The following GRK1 variants were observed in gnomAD, a reference collection of about 807,000 sequenced individuals.
The protein encoded by GRK1 is rhodopsin kinase GRK1.
Under a neutral mutation model 41.7 loss-of-function variants are expected in GRK1, and 28 were observed. The observed-to-expected ratio is 0.67, with a 90% CI of 0.50 to 0.92. GRK1 has a LOEUF of 0.92. GRK1 is among the 40% of genes least tolerant of loss of function. The probability of loss-of-function intolerance (pLI) is 0.00; values close to 1 mark genes in which losing one functional copy is unlikely to be tolerated. For missense variants in GRK1, 703 were observed against 671.2 expected (o/e 1.05, Z -0.52); for synonymous variants, 327 against 286.7 (o/e 1.14, Z -1.42).
At chr13:113,733,622 C>G (rs2049957731) in intron 6 of GRK1, among the ~76,000 whole-genome samples, 1 of 140,948 alleles carries the variant, frequency 7.1e-6, no homozygotes, top group Non-Finnish European at 1.5e-5. Flanking sequence ...TATGTGTGTG[C>G]ATACGTGTGT....
At chr13:113,654,228 G>C in the GRK1 span, among the ~76,000 whole-genome samples, 3 of 152,170 alleles carry the variant, frequency 2.0e-5, no homozygotes, top group African/African-American at 7.2e-5. Context: ...AAATCTATAC[G>C]TGGTTTAAAA....
At chr13:113,653,916 T>C in the GRK1 span, among the ~76,000 whole-genome samples, 11 of 152,216 alleles carry the variant, frequency 7.2e-5, no homozygotes, top group African/African-American at 2.4e-4. Flanking sequence ...CCGTCAAATG[T>C]GCATCCTTTG....
Position 113,731,543 on chromosome 13 carries a change from C to T in GRK1, c.1194+200C>T, listed in dbSNP as rs1228164374. 9.2e-6 allele frequency: 3 copies of T among 326,082 alleles called. No homozygotes were observed. The East Asian group carries it at 5.1e-4, about 56-fold the overall frequency. The allele number at this position is 326,082 out of a possible 1,614,324, so 20.2% of individuals were successfully genotyped here. A position where few individuals can be genotyped will look rare whatever the true frequency, so the allele number is the denominator to read the frequency against. The stretch of plus-strand genomic sequence containing the variant: ...GTCTCAGTGGGTGACGCCCCCAGCC[C>T]CTGAGGCCTGCAGGTGGAGGGGCTG... On this transcript the variant is annotated intron_variant, in intron 5 of 6. Transcript: ENST00000335678. The surrounding 1 kb of genome is among the most constrained non-coding windows in gnomAD (Gnocchi z 5.6).
intron 6 of GRK1, among the ~76,000 whole-genome samples, chr13:113,733,980 A>ATACG (rs1566700540): frequency 1.8e-4 from 17 of 95,256 alleles, no homozygotes; most frequent in South Asian, 3.4e-4. Flanking sequence ...GTGTGTGCGC[A>ATACG]TGTGTGTGCA....
chr13:113,735,168 C>G lies in GRK1; in HGVS notation c.1497C>G (p.Asp499Glu), dbSNP rs1485502084. ...CCACCGTCAAAGGTGTGGCCTTTGACAAAACAGACACAGAATTCTTTCAGG... is the reference window on the plus strand; with the variant it reads ...CCACCGTCAAAGGTGTGGCCTTTGAGAAAACAGACACAGAATTCTTTCAGG... ...AFSTVKGVAF[D>E]KTDTEFFQEF... The change falls in exon 7 of 7, where the codon GAC (aspartate) becomes GAG (glutamate). Residue 499 changes from aspartate to glutamate, a missense_variant. Physicochemically the swap from Asp to Glu is conservative, Grantham distance 45. Coordinates refer to ENST00000335678, the MANE Select transcript of GRK1 (RefSeq NM_002929.3). 1 of 1,537,218 alleles carries G rather than the reference C, an allele frequency of 6.5e-7. No individual in the cohort carries two copies. Among genetic ancestry groups the G allele is most frequent in the Non-Finnish European group, 8.7e-7 (1 of 1,146,914 alleles).
chr13:113,735,384 T>C lies in GRK1; in HGVS notation c.*21T>C. The C allele has an allele frequency of 6.8e-7, 1 of 1,470,340 alleles. No homozygotes were observed. 91.1% of individuals were successfully genotyped at this position (1,470,340 alleles called of 1,614,324 possible). ...CCTAGGTGACGCCCCAGAGTCCACG[T>C]GGAGGAAAAGGACCCATACGGCTCG... On this transcript the variant is annotated 3_prime_UTR_variant, in exon 7 of 7. Coordinates refer to ENST00000335678, the MANE Select transcript of GRK1 (RefSeq NM_002929.3).
At chr13:113,650,489 C>T in the GRK1 span, 18 of 1,613,020 alleles carry the variant, frequency 1.1e-5, no homozygotes, top group African/African-American at 6.7e-5. This position sits in a 1 kb window ranked among gnomAD's most constrained non-coding sequence, Gnocchi z 5.0. Context: ...AGCGGCTGGC[C>T]GAGCTCGCGG....
At chr13:113,670,466 T>C (rs2049849236) in intron 2 of GRK1, among the ~76,000 whole-genome samples, 1 of 152,246 alleles carries the variant, frequency 6.6e-6, no homozygotes, top group African/African-American at 2.4e-5. Context: ...GTGAAATACC[T>C]GCAGTGTCTG....
chr13:113,669,555 C>T (rs894679539), intron 1 of GRK1, 132 bp from the exon 2 acceptor site: 56 of 1,048,498 alleles, frequency 5.3e-5, no homozygotes, highest in African/African-American at 2.7e-4. Flanking sequence ...TTGTGAAAGG[C>T]GCATTTAAAG....
rs1233141040 is a variant in GRK1, at chr13:113,728,074, GACCCATGGCAATGAGGAGT to G, written c.1070-3116_1070-3098del. ...GATGAGGAGTACCCATGGCGATGAG[GACCCATGGCAATGAGGAGT>G]ACCCATGGCAATGAGGAGTACCCAT... On this transcript the variant is annotated intron_variant, in intron 4 of 6. Coordinates refer to ENST00000335678, the MANE Select transcript of GRK1 (RefSeq NM_002929.3). 2.2e-3 allele frequency among the ~76,000 whole-genome samples: 192 copies of G among 87,938 alleles called. 2 individuals carry two copies. Among genetic ancestry groups the G allele is most frequent in the East Asian group, 3.8e-3 (10 of 2,616 alleles). 57.7% of individuals were successfully genotyped at this position (87,938 alleles called of 152,430 possible).
At chr13:113,650,439 C>G in the GRK1 span, 1 of 1,614,030 alleles carries the variant, frequency 6.2e-7, no homozygotes, top group African/African-American at 1.3e-5. This position sits in a 1 kb window ranked among gnomAD's most constrained non-coding sequence, Gnocchi z 5.0. Context: ...GGAAGTAGTG[C>G]AGACTGAAGG....
At chr13:113,653,145 G>A in the GRK1 span, 3 of 1,536,488 alleles carry the variant, frequency 2.0e-6, no homozygotes, top group East Asian at 4.6e-5. Context: ...GGAAGGCCTT[G>A]CAAGCCCTGA....
At chr13:113,651,516 C>T in the GRK1 span, among the ~76,000 whole-genome samples, 13 of 152,358 alleles carry the variant, frequency 8.5e-5, no homozygotes, top group Non-Finnish European at 1.3e-4. Flanking sequence ...TGGTGGAGCT[C>T]GCTGTGGTGA....
the GRK1 span, among the ~76,000 whole-genome samples, chr13:113,654,063 C>CT: frequency 1.3e-5 from 2 of 152,204 alleles, no homozygotes; most frequent in African/African-American, 4.8e-5. Context: ...TTGGGAGCCT[C>CT]TTTTTCTGTC....
chr13:113,667,423 T>C lies in GRK1; in HGVS notation c.37T>C (p.Ser13Pro), dbSNP rs1420418373. ...FGSLETVVAN[S>P]AFIAARGSFD... ...GTCTTTGGAGACCGTGGTGGCCAAC[T>C]CTGCCTTCATCGCCGCCCGAGGCAG... Residue 13 changes from serine to proline, a missense_variant, in exon 1 of 7, where the codon TCT becomes CCT. By Grantham distance (74) the Ser-to-Pro change is moderately conservative. Coordinates refer to ENST00000335678, the MANE Select transcript of GRK1 (RefSeq NM_002929.3). The surrounding 1 kb of genome is among the most constrained non-coding windows in gnomAD (Gnocchi z 7.5). 6.2e-7 allele frequency: 1 copy of C among 1,601,254 alleles called. No individual in the cohort carries two copies. The highest frequency in any genetic ancestry group is 1.1e-5 in the South Asian group (1 of 89,488).
chr13:113,667,754 G>C lies in GRK1; in HGVS notation c.368G>C (p.Cys123Ser), dbSNP rs370160675. 4 of 1,613,530 alleles carry C rather than the reference G, an allele frequency of 2.5e-6. No homozygotes were observed. The African/African-American group carries it at 5.3e-5, about 22-fold the overall frequency. Residue 123 changes from cysteine (C) to serine (S), a missense_variant, in exon 1 of 7, where the codon TGC becomes TCC. Coordinates refer to ENST00000335678, the MANE Select transcript of GRK1 (RefSeq NM_002929.3). The surrounding 1 kb of genome is among the most constrained non-coding windows in gnomAD (Gnocchi z 7.5). ...QYLDPQAKLF[C>S]SFLDEGIVAK... The stretch of plus-strand genomic sequence containing the variant: ...CTGGACCCCCAGGCCAAACTCTTCT[G>C]CAGCTTCCTGGATGAGGGGATAGTG...
chr13:113,733,845 A>G (rs1218015588), intron 6 of GRK1, among the ~76,000 whole-genome samples: 5 of 93,818 alleles, frequency 5.3e-5, no homozygotes, highest in East Asian at 4.0e-4. Flanking sequence ...GTGCGTGTGC[A>G]TGTGTATGTG....
Position 113,736,788 on chromosome 13 carries a change from T to G in GRK1, c.*1425T>G, listed in dbSNP as rs1389980896. Reference sequence around the variant, plus strand: ...CACGGGGAGAGAAGATGGTAGGACGTCCCCGTGAGCCTTGGGGCAGAGCTG... The same window carrying G: ...CACGGGGAGAGAAGATGGTAGGACGGCCCCGTGAGCCTTGGGGCAGAGCTG... On this transcript the variant is annotated 3_prime_UTR_variant, in exon 7 of 7. Coordinates refer to ENST00000335678, the MANE Select transcript of GRK1 (RefSeq NM_002929.3). 2 of 152,200 alleles carry G rather than the reference T, an allele frequency of 1.3e-5. No individual in the cohort carries two copies. The highest frequency in any genetic ancestry group is 2.9e-5 in the Non-Finnish European group (2 of 68,066). 9.4% of individuals were successfully genotyped at this position (152,200 alleles called of 1,614,324 possible).
At chr13:113,734,146 A>C (rs550364009) in intron 6 of GRK1, among the ~76,000 whole-genome samples, 23 of 152,156 alleles carry the variant, frequency 1.5e-4, no homozygotes, top group Admixed American at 1.5e-3. Flanking sequence ...GGTCAGGTGG[A>C]AGGGTCAGGC....
Sources: allele counts gnomAD v4.1 joint callset (sites outside exome capture counted in the v4.1 genomes callset), GRCh38; gene constraint gnomAD v4.1.1; non-coding constraint Gnocchi (gnomAD v3.1); transcripts MANE v1.5; gene names NCBI Gene and HGNC (gene_info 2026-07-23, HGNC 2026-07-21).